The following ADGRB1 variants were observed in gnomAD, a reference collection of about 807,000 sequenced individuals.
The protein encoded by ADGRB1 is brain-specific angiogenesis inhibitor 1.
In ADGRB1, 36 loss-of-function variants were observed where a neutral mutation model predicts 175.7. The ratio of observed to expected loss-of-function variants is 0.20; its 90% CI spans 0.16 to 0.27. The LOEUF (loss-of-function observed/expected upper bound fraction) is 0.27. ADGRB1 is among the 10% of genes least tolerant of loss of function. ADGRB1 has a pLI of 1.00. For missense variants in ADGRB1, 1,731 were observed against 2,255.3 expected (o/e 0.77, Z 4.71); for synonymous variants, 1,054 against 979.4 (o/e 1.08, Z -1.42).
Position 142,542,693 on chromosome 8 carries a change from G to A in ADGRB1, c.4413+46G>A. ...CCACACCCCAGCCAGCGAGGGCAGG[G>A]CTGCAGCAGCTGGGTCACCCCTGCT... On this transcript the variant is annotated intron_variant, in intron 28 of 30. Transcript: ENST00000517894. This position sits in a 1 kb window ranked among gnomAD's most constrained non-coding sequence, Gnocchi z 6.3. 1.3e-6 allele frequency: 2 copies of A among 1,482,140 alleles called. No individual in the cohort carries two copies. The highest frequency in any genetic ancestry group is 1.8e-6 in the Non-Finnish European group (2 of 1,106,370). 91.8% of individuals were successfully genotyped at this position (1,482,140 alleles called of 1,614,324 possible). A position where few individuals can be genotyped will look rare whatever the true frequency, so the allele number is the denominator to read the frequency against.
chr8:142,462,700 A>G (rs1010405604), intron 1 of ADGRB1, among the ~76,000 whole-genome samples: 5 of 152,224 alleles, frequency 3.3e-5, no homozygotes, highest in Non-Finnish European at 7.3e-5. Context: ...CGGTCAGCAG[A>G]GCGGAGGCAT....
At chr8:142,512,970 G>A (rs906438547) in intron 18 of ADGRB1, among the ~76,000 whole-genome samples, 1 of 152,150 alleles carries the variant, frequency 6.6e-6, no homozygotes. Context: ...GACAGCAGCG[G>A]GGGGCGGGGG....
intron 17 of ADGRB1, 125 bp downstream of exon 17, chr8:142,490,940 C>T (rs767389142): frequency 1.5e-4 from 184 of 1,264,994 alleles, no homozygotes; most frequent in Non-Finnish European, 1.9e-4. Flanking sequence ...TGTGTACCCG[C>T]ATGGGCCTCC....
chr8:142,525,583 C>T (rs191942907), intron 23 of ADGRB1, among the ~76,000 whole-genome samples: 2 of 152,190 alleles, frequency 1.3e-5, no homozygotes, highest in Non-Finnish European at 2.9e-5. Flanking sequence ...ACCCATCAGG[C>T]TGGCCAAGGC....
intron 19 of ADGRB1, among the ~76,000 whole-genome samples, chr8:142,518,494 C>G (rs1472291240): frequency 4.6e-5 from 7 of 152,202 alleles, no homozygotes; most frequent in Admixed American, 2.6e-4. Context: ...TGGTTCCTCC[C>G]CTGAACGTGC....
rs546780185 is a variant in ADGRB1 at position 142,534,517 on chromosome 8, G to T, written c.3570+1051G>T. On this transcript the variant is annotated intron_variant, in intron 25 of 30. Transcript: ENST00000517894. ...GCAGGCCTCCCAGACCCAGACCTCT[G>T]CGGGGAGGTGTGAACGCCCCTCTCA... Among the ~76,000 whole-genome samples the T allele has an allele frequency of 2.0e-5, 3 of 152,308 alleles. No individual in the cohort carries two copies. The South Asian group carries it at 6.2e-4, about 32-fold the overall frequency.
In ADGRB1 at chr8:142,461,941, G is replaced by A. The variant is rs141586821; in HGVS notation, c.-219-2039G>A. Among the ~76,000 whole-genome samples the A allele has an allele frequency of 4.0e-3, 609 of 152,272 alleles. 5 individuals carry two copies. Among genetic ancestry groups the A allele is most frequent in the African/African-American group, 0.014 (584 of 41,562 alleles). ...ACTGGGCTCACCCCGGGACTGTAGC[G>A]CAAGGTGAGGCTGGGGAGGCCTTCT... On this transcript the variant is annotated intron_variant, in intron 1 of 30. Coordinates refer to ENST00000517894, the MANE Select transcript of ADGRB1 (RefSeq NM_001702.3).
intron 7 of ADGRB1, 180 bp from the exon 8 acceptor site, chr8:142,479,143 A>G (rs13279697): frequency 0.8 from 497,269 of 620,378 alleles, 200,048 homozygotes; most frequent in South Asian, 0.86. Context: ...CTGATGACTG[A>G]TTTCTCCTCT....
At chr8:142,513,421 C>T (rs1843213361) in intron 18 of ADGRB1, among the ~76,000 whole-genome samples, 1 of 152,196 alleles carries the variant, frequency 6.6e-6, no homozygotes, top group Non-Finnish European at 1.5e-5. Flanking sequence ...CCTTTCCACA[C>T]CACCTCTTCC....
rs1478482802 is a variant in ADGRB1 at position 142,518,148 on chromosome 8, A to G, written c.2828A>G (p.Lys943Arg). 4 of 1,613,546 alleles carry G rather than the reference A, an allele frequency of 2.5e-6. No individual in the cohort carries two copies. The highest frequency in any genetic ancestry group is 2.5e-6 in the Non-Finnish European group (3 of 1,179,786). ...AQLSADANME[K>R]ATLPSVTLIV... ...TCCCGGTCCCCACAGAACATGGAGA[A>G]GGCGACTCTGCCGTCGGTGACGCTC... The change falls in exon 19 of 31, where the codon AAG (lysine) becomes AGG (arginine). Residue 943 changes from lysine to arginine, a missense_variant. Physicochemically the swap from Lys to Arg is conservative, Grantham distance 26. Coordinates refer to ENST00000517894, the MANE Select transcript of ADGRB1 (RefSeq NM_001702.3).
chr8:142,540,491 T>C lies in ADGRB1; in HGVS notation c.3706+1078T>C, dbSNP rs572765856. Among the ~76,000 whole-genome samples the C allele has an allele frequency of 1.7e-3, 203 of 116,738 alleles. 1 individual carries two copies. Among genetic ancestry groups the C allele is most frequent in the African/African-American group, 6.5e-3 (194 of 29,896 alleles). 76.6% of individuals were successfully genotyped at this position (116,738 alleles called of 152,430 possible). ...CCACATGCAGCTGGTGGATGCGCCATGAGCAGCTGGTGCTGAGCGCCTGGG... is the reference window on the plus strand; with the variant it reads ...CCACATGCAGCTGGTGGATGCGCCACGAGCAGCTGGTGCTGAGCGCCTGGG... On this transcript the variant is annotated intron_variant, in intron 27 of 30. Coordinates refer to ENST00000517894, the MANE Select transcript of ADGRB1 (RefSeq NM_001702.3).
chr8:142,538,162 G>A (rs922231619), intron 26 of ADGRB1, among the ~76,000 whole-genome samples: 4 of 152,190 alleles, frequency 2.6e-5, no homozygotes, highest in African/African-American at 9.7e-5. Context: ...AGCCCTCCTT[G>A]ACTCTTGCCC....
intron 11 of ADGRB1, among the ~76,000 whole-genome samples, chr8:142,483,660 C>G (rs1338345353): frequency 1.3e-5 from 2 of 150,306 alleles, no homozygotes; most frequent in Admixed American, 1.3e-4. Context: ...ACACTGAGCC[C>G]TGATCCTGGT....
chr8:142,539,302 C>T (rs1030741686), intron 26 of ADGRB1, 72 bp from the exon 27 acceptor site: 27 of 1,473,334 alleles, frequency 1.8e-5, no homozygotes, highest in African/African-American at 8.4e-5. Context: ...CCCTCCCGAG[C>T]GGTCTGTGCA....
At chr8:142,468,356 T>C (rs754203503) in intron 2 of ADGRB1, among the ~76,000 whole-genome samples, 11 of 152,098 alleles carry the variant, frequency 7.2e-5, no homozygotes, top group East Asian at 1.9e-4. Flanking sequence ...GCAGGGGCCG[T>C]TGGTCTTGTG....
At chr8:142,482,512 A>ACC (rs1841412426) in intron 11 of ADGRB1, among the ~76,000 whole-genome samples, 2 of 145,206 alleles carry the variant, frequency 1.4e-5, no homozygotes, top group South Asian at 2.3e-4. Context: ...CCCTGGTCAC[A>ACC]CTGAGCCCTG....
chr8:142,476,842 C>A, intron 4 of ADGRB1, 147 bp downstream of exon 4: 1 of 996,092 alleles, frequency 1.0e-6, no homozygotes, highest in Non-Finnish European at 1.4e-6. Flanking sequence ...CTCCTGACTG[C>A]CTGGCATTAG....
At chr8:142,450,302 G>A (rs1335872307) in intron 1 of ADGRB1, among the ~76,000 whole-genome samples, 198 bp downstream of exon 1, 2 of 144,638 alleles carry the variant, frequency 1.4e-5, no homozygotes, top group East Asian at 2.4e-4. Flanking sequence ...CTTCTCCAGC[G>A]GTGGCGATGG....
chr8:142,478,427 G>A (rs973124510), intron 7 of ADGRB1, 67 bp downstream of exon 7: 3 of 1,472,802 alleles, frequency 2.0e-6, no homozygotes, highest in Non-Finnish European at 2.7e-6. Flanking sequence ...AAGGGGACAG[G>A]CCCCACAGCG....
Sources: allele counts gnomAD v4.1 joint callset (sites outside exome capture counted in the v4.1 genomes callset), GRCh38; gene constraint gnomAD v4.1.1; non-coding constraint Gnocchi (gnomAD v3.1); transcripts MANE v1.5; gene names NCBI Gene and HGNC (gene_info 2026-07-23, HGNC 2026-07-21).